MAPK8IP3: variants seen among roughly 807,000 people sequenced by gnomAD.
MAPK8IP3 encodes mitogen-activated protein kinase 8 interacting protein 3.
In MAPK8IP3, 49 loss-of-function variants were observed where a neutral mutation model predicts 157.8. The ratio of observed to expected loss-of-function variants is 0.31; its 90% CI spans 0.25 to 0.39. The LOEUF (loss-of-function observed/expected upper bound fraction) is 0.39, where lower values mean the gene tolerates loss of function less well. MAPK8IP3 is among the 10% of genes least tolerant of loss of function. The pLI, the probability that MAPK8IP3 is intolerant of heterozygous loss-of-function variation, is 1.00. For synonymous variants in MAPK8IP3, 897 were observed against 777.7 expected (o/e 1.15, Z -2.55); for missense variants, 1,478 against 1,889.4 (o/e 0.78, Z 4.04).
chr16:1,764,613 T>G (rs373958912), intron 19 of MAPK8IP3, among the ~76,000 whole-genome samples, 154 bp downstream of exon 19: 31 of 152,268 alleles, frequency 2.0e-4, no homozygotes, highest in African/African-American at 7.5e-4. Context: ...AGCAGTGTCT[T>G]CCCTCACCAG....
intron 4 of MAPK8IP3, among the ~76,000 whole-genome samples, chr16:1,737,310 G>A (rs2040031709): frequency 4.8e-5 from 5 of 103,904 alleles, no homozygotes; most frequent in African/African-American, 8.2e-5. Context: ...GTGAGCATCT[G>A]TGTGACCGTC....
At chr16:1,727,774 G>C (rs2038989592) in intron 2 of MAPK8IP3, among the ~76,000 whole-genome samples, 1 of 152,218 alleles carries the variant, frequency 6.6e-6, no homozygotes, top group Non-Finnish European at 1.5e-5. Flanking sequence ...CTGGGTGCCT[G>C]GTAGAGATGC....
At chr16:1,746,989 G>A (rs1409888347) in intron 5 of MAPK8IP3, 40 bp from the exon 6 acceptor site, 1 of 1,604,220 alleles carries the variant, frequency 6.2e-7, no homozygotes, top group Non-Finnish European at 8.5e-7. Context: ...CCAGGGACCT[G>A]CAGTGACTCG....
chr16:1,726,853 G>C (rs991635831), intron 2 of MAPK8IP3, among the ~76,000 whole-genome samples: 8 of 152,208 alleles, frequency 5.3e-5, no homozygotes, highest in Non-Finnish European at 1.0e-4. Context: ...AGCCTCTCCC[G>C]GGGCCACAGC....
At chr16:1,753,534 G>A (rs1436622973) in intron 8 of MAPK8IP3, among the ~76,000 whole-genome samples, 13 of 151,220 alleles carry the variant, frequency 8.6e-5, no homozygotes. Flanking sequence ...TCCGCCTCCT[G>A]GGTTCACGCC....
Position 1,729,125 on chromosome 16 carries a change from T to C in MAPK8IP3, c.440-13T>C, listed in dbSNP as rs774747703. 6 of 1,612,550 alleles carry C rather than the reference T, an allele frequency of 3.7e-6. No individual in the cohort carries two copies. The South Asian group carries it at 4.4e-5, about 12-fold the overall frequency. On this transcript the variant is annotated splice_polypyrimidine_tract_variant and intron_variant, in intron 2 of 31. Coordinates refer to ENST00000610761, the MANE Select transcript of MAPK8IP3 (RefSeq NM_001318852.2). ...GCGTCTTGTGCGGCTCAGACAGTGA[T>C]TGTGTTTTCCAGTTTCCCGGTTGGA...
chr16:1,748,717 C>G lies in MAPK8IP3; in HGVS notation c.1213C>G (p.Leu405Val). ...GGATGTGGACGAAGGGGCCGACCTCCTAGGTAAGCGCAAGCCTTCCCCCGC... is the reference window on the plus strand; with the variant it reads ...GGATGTGGACGAAGGGGCCGACCTCGTAGGTAAGCGCAAGCCTTCCCCCGC... Reference protein sequence around the residue: ...IGDVDEGADLLGEFSVRDDFF... With the variant: ...IGDVDEGADLVGEFSVRDDFF... The change falls in exon 8 of 32, where the codon CTA (leucine) becomes GTA (valine). Residue 405 changes from leucine to valine, a missense_variant. Leu to Val is a conservative substitution (Grantham distance 32). This residue lies in a region of MAPK8IP3 where 315 missense variants were observed against 394.4 expected (regional missense o/e 0.80). Coordinates refer to ENST00000610761, the MANE Select transcript of MAPK8IP3 (RefSeq NM_001318852.2). 1 of 1,613,080 alleles carries G rather than the reference C, an allele frequency of 6.2e-7. No individual in the cohort carries two copies. Among genetic ancestry groups the G allele is most frequent in the Non-Finnish European group, 8.5e-7 (1 of 1,179,062 alleles).
At chr16:1,754,188 A>AG (rs1491215500) in intron 8 of MAPK8IP3, among the ~76,000 whole-genome samples, 2 of 151,484 alleles carry the variant, frequency 1.3e-5, no homozygotes, top group Non-Finnish European at 2.9e-5. Context: ...AAAAAAAAAA[A>AG]TTGGCCTAAT....
chr16:1,731,681 G>C (rs2039326559), intron 4 of MAPK8IP3, among the ~76,000 whole-genome samples: 1 of 152,192 alleles, frequency 6.6e-6, no homozygotes. Flanking sequence ...TTAGTAGGGT[G>C]GCCAGCCACC....
At chr16:1,728,008 G>A (rs1229250751) in intron 2 of MAPK8IP3, among the ~76,000 whole-genome samples, 2 of 152,242 alleles carry the variant, frequency 1.3e-5, no homozygotes, top group Non-Finnish European at 2.9e-5. Context: ...CGCACTCCCT[G>A]GGGCTGTCTC....
chr16:1,706,232 A>G lies in MAPK8IP3; in HGVS notation c.-108A>G. ...GGCGGCGGCGGAGCCCTGAGGCGAC[A>G]GCAGCTGCGGGAGGCGACGGGCTGC... On this transcript the variant is annotated 5_prime_UTR_variant, in exon 1 of 32. Transcript: ENST00000610761. This position sits in a 1 kb window ranked among gnomAD's most constrained non-coding sequence, Gnocchi z 5.1. 1 of 1,022,966 alleles carries G rather than the reference A, an allele frequency of 9.8e-7. No homozygotes were observed. The highest frequency in any genetic ancestry group is 2.1e-5 in the South Asian group (1 of 48,056). 63.4% of individuals were successfully genotyped at this position (1,022,966 alleles called of 1,614,324 possible).
At position 1,706,533 on chromosome 16, in the gene MAPK8IP3, A is replaced by AC; in HGVS notation, c.196dup (p.Leu66ProfsTer32). On this transcript the variant is annotated frameshift_variant, in exon 1 of 32. Transcript: ENST00000610761. LOFTEE classifies it high-confidence loss of function. The surrounding 1 kb of genome is among the most constrained non-coding windows in gnomAD (Gnocchi z 5.1). ...CCGCTGGTGGTGAACGTGCTGGAGA[A>AC]CCTAGACTCGGTGCTCAGCGAGAAC... 1 of 1,613,898 alleles carries AC rather than the reference A, an allele frequency of 6.2e-7. No individual in the cohort carries two copies. Among genetic ancestry groups the AC allele is most frequent in the Non-Finnish European group, 8.5e-7 (1 of 1,179,914 alleles).
Position 1,764,998 on chromosome 16 carries a change from C to G in MAPK8IP3, c.2281-15C>G. ...CAAGCTCGGGCTCTGACCTTGATCC[C>G]GTGCCCTGAAACAGGCCAAGGAGCT... On this transcript the variant is annotated splice_polypyrimidine_tract_variant and intron_variant, in intron 19 of 31. Transcript: ENST00000610761. 1 of 1,594,334 alleles carries G rather than the reference C, an allele frequency of 6.3e-7. No homozygotes were observed.
chr16:1,729,081 A>T, intron 2 of MAPK8IP3, 57 bp from the exon 3 acceptor site: 1 of 1,511,202 alleles, frequency 6.6e-7, no homozygotes, highest in Non-Finnish European at 9.2e-7. Context: ...ACAACCCAAG[A>T]GTTCAGGGCC....
chr16:1,766,171 CCT>C (rs746738433), intron 21 of MAPK8IP3, 29 bp downstream of exon 21: 43 of 1,602,062 alleles, frequency 2.7e-5, no homozygotes, highest in Non-Finnish European at 3.2e-5. Context: ...TCCCCCATCC[CCT>C]CATTCCCACG....
chr16:1,731,368 A>C (rs2039307575), intron 4 of MAPK8IP3, among the ~76,000 whole-genome samples: 1 of 152,210 alleles, frequency 6.6e-6, no homozygotes, highest in African/African-American at 2.4e-5. Context: ...AGCACTTAAC[A>C]GTCCTTTGCA....
In MAPK8IP3 at chr16:1,767,808, C is replaced by T; in HGVS notation, c.3413C>T (p.Thr1138Ile). ...CCCTGACCGCTCTCCCCCACAGGCA[C>T]TGGCAAGCTGGGTTTCTCCTTCGTA... ...IEPYVSKMLG[T>I]GKLGFSFVRI... The change falls in exon 28 of 32, where the codon ACT (threonine) becomes ATT (isoleucine). Residue 1138 changes from threonine to isoleucine, a missense_variant. Transcript: ENST00000610761. The T allele has an allele frequency of 6.2e-7, 1 of 1,611,328 alleles. No homozygotes were observed. Among genetic ancestry groups the T allele is most frequent in the Non-Finnish European group, 8.5e-7 (1 of 1,179,894 alleles).
chr16:1,709,332 TCA>T, intron 1 of MAPK8IP3, among the ~76,000 whole-genome samples: 2 of 152,288 alleles, frequency 1.3e-5, no homozygotes, highest in East Asian at 1.9e-4. Flanking sequence ...AGCCTGAGTG[TCA>T]GCCCGGCCCT....
chr16:1,737,005 C>T (rs1596640050), intron 4 of MAPK8IP3, among the ~76,000 whole-genome samples: 6 of 59,880 alleles, frequency 1.0e-4, no homozygotes, highest in Admixed American at 2.5e-4. Context: ...AGCGTGTGAC[C>T]GTCCGTGTGA....
Sources: gnomAD v4.1 joint callset for allele counts (sites outside exome capture counted in the v4.1 genomes callset) on GRCh38, gnomAD v4.1.1 for gene constraint, gnomAD v4.1.1 regional missense constraint, Gnocchi (gnomAD v3.1) non-coding constraint, MANE v1.5 for transcripts, NCBI Gene and HGNC (gene_info 2026-07-23, HGNC 2026-07-21) for gene names.